SNW1: variants seen among roughly 807,000 people sequenced by gnomAD.
The protein encoded by SNW1 is SNW domain containing 1.
In SNW1, 9 loss-of-function variants were observed where a neutral mutation model predicts 75.6. That is an observed-to-expected ratio of 0.12 (90% CI 0.07 to 0.21). The LOEUF is 0.21. Among genes scored for constraint, SNW1 ranks in the 10% least tolerant of loss-of-function variants. The pLI is 1.00. For missense variants in SNW1, 409 were observed against 670.9 expected, an observed-to-expected ratio of 0.61 and a Z score of 4.31; for synonymous variants, 200 against 219.1, an observed-to-expected ratio of 0.91 and a Z score of 0.77.
At chr14:77,759,715 C>T (rs2080870725) in intron 1 of SNW1, among the ~76,000 whole-genome samples, 1 of 152,078 alleles carries the variant, frequency 6.6e-6, no homozygotes, top group Admixed American at 6.6e-5. Flanking sequence ...GTAGCTCATG[C>T]CTGCAATCCC....
chr14:77,751,957 A>G (rs1480384255), intron 2 of SNW1, among the ~76,000 whole-genome samples: 1 of 152,166 alleles, frequency 6.6e-6, no homozygotes, highest in Non-Finnish European at 1.5e-5. Flanking sequence ...CAGTGGGGCT[A>G]ACAGCTTAAT....
intron 10 of SNW1, among the ~76,000 whole-genome samples, chr14:77,729,971 C>A (rs974024440): frequency 5.3e-5 from 8 of 152,102 alleles, no homozygotes; most frequent in Admixed American, 5.2e-4. Context: ...TATTCTGACA[C>A]CTCATCTCCT....
At chr14:77,761,035 C>T in intron 1 of SNW1, 79 bp downstream of exon 1, 1 of 1,614,212 alleles carries the variant, frequency 6.2e-7, no homozygotes, top group Admixed American at 1.7e-5. Flanking sequence ...GGTCACCGCC[C>T]GGAGGGTATG....
chr14:77,752,446 T>G (rs1296786978), intron 2 of SNW1, among the ~76,000 whole-genome samples: 2 of 152,206 alleles, frequency 1.3e-5, no homozygotes, highest in African/African-American at 4.8e-5. Context: ...TTAAAAAAAA[T>G]TCAGTAGTAT....
At chr14:77,740,338 A>T (rs551905801) in intron 3 of SNW1, among the ~76,000 whole-genome samples, 1 of 152,224 alleles carries the variant, frequency 6.6e-6, no homozygotes, top group East Asian at 1.9e-4. Flanking sequence ...TACAAGCCAA[A>T]GTCTTATATT....
chr14:77,737,476 G>GA (rs2080682362), intron 5 of SNW1, among the ~76,000 whole-genome samples: 1 of 151,978 alleles, frequency 6.6e-6, no homozygotes, highest in South Asian at 2.1e-4. Flanking sequence ...ATAAAACAGA[G>GA]AAAAGAATAA....
intron 9 of SNW1, among the ~76,000 whole-genome samples, chr14:77,731,760 G>C (rs1215713006): frequency 6.6e-6 from 1 of 152,062 alleles, no homozygotes; most frequent in Admixed American, 6.6e-5. Flanking sequence ...TTTTTGAGAT[G>C]AAGTGTCTTA....
At chr14:77,758,691 T>C (rs1190308136) in intron 1 of SNW1, among the ~76,000 whole-genome samples, 2 of 152,248 alleles carry the variant, frequency 1.3e-5, no homozygotes, top group African/African-American at 2.4e-5. Flanking sequence ...AGAATTCCAA[T>C]TCTGTCCCAT....
Position 77,718,100 on chromosome 14 carries a change from C to T in SNW1, c.1599G>A (p.Arg533=). Residue 533 remains arginine, a synonymous_variant, in exon 14 of 14, where the codon AGG becomes AGA. Coordinates refer to ENST00000261531, the MANE Select transcript of SNW1 (RefSeq NM_012245.3). The part of the protein sequence containing the change: ...PKEHEHEGKK[R]RKE The stretch of plus-strand genomic sequence containing the variant: ...GAGAGACCTGTGCCTATTCCTTCCT[C>T]CTCTTCTTGCCTTCATGCTCGTGTT... 6.3e-7 allele frequency: 1 copy of T among 1,585,222 alleles called. No individual in the cohort carries two copies. Among genetic ancestry groups the T allele is most frequent in the Non-Finnish European group, 8.6e-7 (1 of 1,166,084 alleles).
chr14:77,759,168 G>A (rs531748627), intron 1 of SNW1, among the ~76,000 whole-genome samples: 1 of 152,298 alleles, frequency 6.6e-6, no homozygotes, highest in South Asian at 2.1e-4. Flanking sequence ...CTCAAGACTG[G>A]CCATTTAAAG....
chr14:77,745,729 T>C (rs2080755826), intron 3 of SNW1, among the ~76,000 whole-genome samples: 1 of 151,470 alleles, frequency 6.6e-6, no homozygotes, highest in South Asian at 2.1e-4. Flanking sequence ...TTTTTCTTCT[T>C]AACAACCACC....
At chr14:77,756,166 C>T (rs891820540) in intron 1 of SNW1, among the ~76,000 whole-genome samples, 2 of 151,858 alleles carry the variant, frequency 1.3e-5, no homozygotes, top group African/African-American at 2.4e-5. Context: ...TGTCGCCCAG[C>T]CTTGAGTGCA....
chr14:77,736,797 G>A (rs1387096260), intron 6 of SNW1, among the ~76,000 whole-genome samples, 174 bp downstream of exon 6: 1 of 151,954 alleles, frequency 6.6e-6, no homozygotes, highest in Non-Finnish European at 1.5e-5. Flanking sequence ...TTCCCCAGAG[G>A]CAACCACCTA....
Position 77,718,135 on chromosome 14 carries a change from G to A in SNW1, c.1564C>T (p.Arg522Cys), listed in dbSNP as rs747119770. ...GGSKRPSDSSRPKEHEHEGKK... is the reference protein window; with the variant it reads ...GGSKRPSDSSCPKEHEHEGKK... ...CCTTCATGCTCGTGTTCCTTGGGGC[G>A]GCTGCTATCTGAGGGTCTTTTAGAG... is the stretch of plus-strand genomic sequence containing the variant. The change falls in exon 14 of 14, where the codon CGC becomes TGC. Residue 522 changes from arginine (R) to cysteine (C), a missense_variant. Arg to Cys is a radical substitution (Grantham distance 180). Coordinates refer to ENST00000261531, the MANE Select transcript of SNW1 (RefSeq NM_012245.3). The A allele has an allele frequency of 6.8e-6, 11 of 1,609,962 alleles. No individual in the cohort carries two copies. In the South Asian group the frequency reaches 8.8e-5, roughly 13 times the overall value.
intron 1 of SNW1, among the ~76,000 whole-genome samples, chr14:77,758,315 C>CAAAAAATAAAAAAA (rs2080858740): frequency 1.2e-5 from 1 of 85,836 alleles, no homozygotes; most frequent in Non-Finnish European, 2.0e-5. Context: ...GACTCTGCCA[C>CAAAAAATAAAAAAA]AAAAAAAAAA....
intron 1 of SNW1, among the ~76,000 whole-genome samples, chr14:77,758,641 G>A (rs2080861565): frequency 1.3e-5 from 2 of 152,174 alleles, no homozygotes; most frequent in Non-Finnish European, 1.5e-5. Context: ...TACTCACTCT[G>A]TCCCATTAGA....
chr14:77,725,085 C>A (rs1000067780), intron 10 of SNW1, among the ~76,000 whole-genome samples: 4 of 152,098 alleles, frequency 2.6e-5, no homozygotes, highest in Non-Finnish European at 5.9e-5. Context: ...ATTTGAATTT[C>A]CCTGATGATT....
In SNW1 at chr14:77,718,103, C is replaced by A; in HGVS notation, c.1596G>T (p.Lys532Asn). ...RPKEHEHEGK[K>N]RRKE is the part of the protein sequence containing the mutation. Reference sequence around the variant, plus strand: ...AGACCTGTGCCTATTCCTTCCTCCTCTTCTTGCCTTCATGCTCGTGTTCCT... The same window carrying A: ...AGACCTGTGCCTATTCCTTCCTCCTATTCTTGCCTTCATGCTCGTGTTCCT... The change falls in exon 14 of 14, where the codon AAG becomes AAT. Residue 532 changes from lysine to asparagine, a missense_variant. By Grantham distance (94) the Lys-to-Asn change is moderately conservative. Coordinates refer to ENST00000261531, the MANE Select transcript of SNW1 (RefSeq NM_012245.3). 1 of 1,590,440 alleles carries A rather than the reference C, an allele frequency of 6.3e-7. No individual in the cohort carries two copies. The highest frequency in any genetic ancestry group is 8.6e-7 in the Non-Finnish European group (1 of 1,168,636).
At position 77,717,803 on chromosome 14, in the gene SNW1, CTAG is replaced by C. The variant is rs1232510055; in HGVS notation, c.*282_*284del. 1.7e-6 allele frequency: 1 copy of C among 580,146 alleles called. No homozygotes were observed. 35.9% of individuals were successfully genotyped at this position (580,146 alleles called of 1,614,324 possible). On this transcript the variant is annotated 3_prime_UTR_variant, in exon 14 of 14. Coordinates refer to ENST00000261531, the MANE Select transcript of SNW1 (RefSeq NM_012245.3). ...TACACAAAACATTAACCCCAAACTA[CTAG>C]TGTCACATAAAAGTAAGTGGTCTTG...
Sources: allele counts gnomAD v4.1 joint callset (sites outside exome capture counted in the v4.1 genomes callset), GRCh38; gene constraint gnomAD v4.1.1; transcripts MANE v1.5; gene names NCBI Gene and HGNC (gene_info 2026-07-23, HGNC 2026-07-21).